Variants in CACNA2D3 observed in about 807,000 individuals in gnomAD.
The protein encoded by CACNA2D3 is voltage-dependent calcium channel subunit alpha-2/delta-3.
In CACNA2D3, 60 loss-of-function variants were observed where a neutral mutation model predicts 160.6. That is an observed-to-expected ratio of 0.37 (90% CI 0.30 to 0.46). The LOEUF (loss-of-function observed/expected upper bound fraction) is 0.46. Ranked by LOEUF, CACNA2D3 falls within the 20% of genes least tolerant of loss-of-function variation. The probability of loss-of-function intolerance (pLI) is 1.00; values close to 1 mark genes in which losing one functional copy is unlikely to be tolerated. For missense variants in CACNA2D3, 1,205 were observed against 1,365.0 expected (o/e 0.88, Z 1.85); for synonymous variants, 558 against 492.9 (o/e 1.13, Z -1.75).
At chr3:54,876,769 G>C (rs1208693812) in intron 18 of CACNA2D3, among the ~76,000 whole-genome samples, 4 of 152,138 alleles carry the variant, frequency 2.6e-5, no homozygotes, top group Non-Finnish European at 5.9e-5. Flanking sequence ...TAAAATCTGT[G>C]CCTGACACAC....
chr3:54,241,249 T>C (rs1265428233), intron 2 of CACNA2D3, among the ~76,000 whole-genome samples: 1 of 152,214 alleles, frequency 6.6e-6, no homozygotes, highest in Non-Finnish European at 1.5e-5. Flanking sequence ...TGCACAGGGC[T>C]GTTGTTTAAT....
At chr3:54,716,098 ATTTT>A (rs1701046013) in intron 11 of CACNA2D3, among the ~76,000 whole-genome samples, 1 of 152,210 alleles carries the variant, frequency 6.6e-6, no homozygotes, top group African/African-American at 2.4e-5. Context: ...TCAATTATAT[ATTTT>A]AAAATAAAAA....
chr3:54,253,400 G>A (rs774956757), intron 2 of CACNA2D3, among the ~76,000 whole-genome samples: 2 of 152,154 alleles, frequency 1.3e-5, no homozygotes, highest in Admixed American at 1.3e-4. Context: ...AGGCAAAAGG[G>A]TAGCAGGCAG....
intron 21 of CACNA2D3, among the ~76,000 whole-genome samples, chr3:54,883,788 G>C (rs1190168817): frequency 8.7e-5 from 5 of 57,562 alleles, no homozygotes; most frequent in African/African-American, 2.7e-4. Context: ...GACCTCCATA[G>C]TTACAATGGA....
At chr3:54,656,048 T>C (rs1699870278) in intron 11 of CACNA2D3, among the ~76,000 whole-genome samples, 1 of 152,076 alleles carries the variant, frequency 6.6e-6, no homozygotes, top group African/African-American at 2.4e-5. Context: ...GTCTACTGAG[T>C]CCTTGAGGGG....
intron 35 of CACNA2D3, among the ~76,000 whole-genome samples, chr3:55,067,286 C>T (rs1051765611): frequency 2.6e-5 from 4 of 152,158 alleles, no homozygotes; most frequent in Admixed American, 2.0e-4. Flanking sequence ...GAGCTCTAAT[C>T]GTTCCAGCAC....
chr3:55,074,133 G>C lies in CACNA2D3; in HGVS notation c.3203G>C (p.Gly1068Ala). ...CCATAGGAGAATGCAAGGGAGTGTG[G>C]GGGTGCGCCGAGTCTCCAAGCCCAG... ...FHPEENAREC[G>A]GAPSLQAQTV... The change falls in exon 38 of 38, where the codon GGG becomes GCG. Residue 1068 changes from glycine (G) to alanine (A), a missense_variant. Gly to Ala is a moderately conservative substitution (Grantham distance 60). Coordinates refer to ENST00000474759, the MANE Select transcript of CACNA2D3 (RefSeq NM_018398.3). The C allele has an allele frequency of 6.2e-7, 1 of 1,613,812 alleles. No homozygotes were observed. Among genetic ancestry groups the C allele is most frequent in the Non-Finnish European group, 8.5e-7 (1 of 1,179,770 alleles).
chr3:54,892,326 A>G (rs1297644566), intron 25 of CACNA2D3, among the ~76,000 whole-genome samples: 1 of 152,072 alleles, frequency 6.6e-6, no homozygotes, highest in Non-Finnish European at 1.5e-5. Flanking sequence ...ACCAAGCCAC[A>G]GAGTAGCTGC....
intron 4 of CACNA2D3, among the ~76,000 whole-genome samples, chr3:54,433,123 A>C (rs995063327): frequency 6.6e-6 from 1 of 152,234 alleles, no homozygotes; most frequent in Non-Finnish European, 1.5e-5. Flanking sequence ...GTTGAGCTCA[A>C]CATTCCAACG....
chr3:55,074,221 T>G lies in CACNA2D3; in HGVS notation c.*15T>G. ...TCTCAAGGTGACACTGACTGAGATGTTCTCTTACTGACTGAGATGTTCTCT... is the reference window on the plus strand; with the variant it reads ...TCTCAAGGTGACACTGACTGAGATGGTCTCTTACTGACTGAGATGTTCTCT... On this transcript the variant is annotated 3_prime_UTR_variant, in exon 38 of 38. Coordinates refer to ENST00000474759, the MANE Select transcript of CACNA2D3 (RefSeq NM_018398.3). The G allele has an allele frequency of 9.9e-7, 1 of 1,010,274 alleles. No homozygotes were observed. The allele number at this position is 1,010,274 out of a possible 1,614,324, so 62.6% of individuals were successfully genotyped here.
chr3:54,366,576 C>G (rs1193847293), intron 3 of CACNA2D3, among the ~76,000 whole-genome samples: 2 of 152,146 alleles, frequency 1.3e-5, no homozygotes, highest in African/African-American at 4.8e-5. Context: ...GCCAGCTCCA[C>G]ATATGTACTA....
intron 11 of CACNA2D3, among the ~76,000 whole-genome samples, chr3:54,734,799 T>C (rs1575447606): frequency 1.3e-5 from 2 of 152,374 alleles, no homozygotes; most frequent in Admixed American, 1.3e-4. Context: ...TCGGCTTCAC[T>C]CTGGGCTATT....
intron 5 of CACNA2D3, among the ~76,000 whole-genome samples, chr3:54,541,278 G>GAAAAAAAAAAAAAAAA (rs141900915): frequency 2.1e-4 from 17 of 81,728 alleles, no homozygotes; most frequent in African/African-American, 4.6e-4. Context: ...CTCCGTCTCA[G>GAAAAAAAAAAAAAAAA]AAAAAAAAAA....
chr3:55,043,434 A>T (rs1430960631), intron 35 of CACNA2D3, among the ~76,000 whole-genome samples: 3 of 145,102 alleles, frequency 2.1e-5, no homozygotes, highest in African/African-American at 5.1e-5. Flanking sequence ...TTTTCATGTA[A>T]TTCCTTGTGA....
At chr3:54,924,999 C>G (rs750814229) in intron 27 of CACNA2D3, 10 of 1,613,900 alleles carry the variant, frequency 6.2e-6, no homozygotes, top group Non-Finnish European at 8.5e-6. Context: ...GGTCATGAGC[C>G]ATGGCACTGA....
At chr3:54,715,580 G>A (rs1701038058) in intron 11 of CACNA2D3, among the ~76,000 whole-genome samples, 1 of 151,992 alleles carries the variant, frequency 6.6e-6, no homozygotes, top group South Asian at 2.1e-4. Flanking sequence ...TGGTTCCCTT[G>A]GCAACCAGCC....
At chr3:54,545,898 G>A (rs1003742474) in intron 5 of CACNA2D3, among the ~76,000 whole-genome samples, 4 of 152,086 alleles carry the variant, frequency 2.6e-5, no homozygotes, top group African/African-American at 9.7e-5. Context: ...CATCTTTCAG[G>A]ACTGCTGGGC....
intron 35 of CACNA2D3, among the ~76,000 whole-genome samples, chr3:55,070,242 A>G (rs1325508179): frequency 2.0e-5 from 3 of 152,326 alleles, no homozygotes; most frequent in Middle Eastern, 3.4e-3. Context: ...GTCCTTGGCA[A>G]TAACTGATTC....
At chr3:54,392,794 A>T (rs1051468120) in intron 4 of CACNA2D3, among the ~76,000 whole-genome samples, 10 of 152,160 alleles carry the variant, frequency 6.6e-5, no homozygotes, top group African/African-American at 2.4e-4. Flanking sequence ...TGTTGAAGGA[A>T]ACCCAGGAAA....
Sources: allele counts gnomAD v4.1 joint callset (sites outside exome capture counted in the v4.1 genomes callset), GRCh38; gene constraint gnomAD v4.1.1; transcripts MANE v1.5; gene names NCBI Gene and HGNC (gene_info 2026-07-23, HGNC 2026-07-21).